Variants in WWP2 observed in about 807,000 individuals in gnomAD.
The protein encoded by WWP2 is WW domain containing E3 ubiquitin protein ligase 2.
In WWP2, 57 loss-of-function variants were observed where a neutral mutation model predicts 121.0. That is an observed-to-expected ratio of 0.47 (90% CI 0.38 to 0.59). WWP2 has a LOEUF of 0.59. WWP2 is among the 20% of genes least tolerant of loss of function. The pLI, the probability that WWP2 is intolerant of heterozygous loss-of-function variation, is 0.00. For synonymous variants in WWP2, 449 were observed against 441.3 expected (o/e 1.02, Z -0.22); for missense variants, 962 against 1,158.9 (o/e 0.83, Z 2.47).
chr16:69,842,243 A>G (rs942132043), intron 6 of WWP2, 123 bp downstream of exon 6: 12 of 917,356 alleles, frequency 1.3e-5, no homozygotes, highest in Admixed American at 2.4e-5. Flanking sequence ...AGATCTTGTA[A>G]CTGACTCAGT....
In WWP2 at chr16:69,897,954, C is replaced by A. The variant is rs114568279; in HGVS notation, c.914+9705C>A. 7.9e-3 allele frequency among the ~76,000 whole-genome samples: 1,191 copies of A among 151,710 alleles called. 15 individuals are homozygous for A. The highest frequency in any genetic ancestry group is 0.026 in the African/African-American group (1,080 of 41,380). ...ACAAAACAAAAAAAACACAATGAAA[C>A]AATGGCTGCAGTAAAGTTTTCCTGT... On this transcript the variant is annotated intron_variant, in intron 8 of 23. Coordinates refer to ENST00000359154, the MANE Select transcript of WWP2 (RefSeq NM_001270454.2).
chr16:69,822,236 T>G (rs976237121), intron 4 of WWP2, among the ~76,000 whole-genome samples: 3 of 152,136 alleles, frequency 2.0e-5, no homozygotes, highest in Non-Finnish European at 4.4e-5. Flanking sequence ...TGAGAGTTTC[T>G]TTCTTCTCTG....
At chr16:69,910,814 G>C (rs1421718659) in intron 9 of WWP2, among the ~76,000 whole-genome samples, 1 of 152,152 alleles carries the variant, frequency 6.6e-6, no homozygotes. Context: ...TACCTTCTAA[G>C]GATCGCTGGG....
At chr16:69,841,965 C>G (rs2151874006) in intron 5 of WWP2, 59 bp from the exon 6 acceptor site, 1 of 1,538,866 alleles carries the variant, frequency 6.5e-7, no homozygotes, top group Middle Eastern at 1.7e-4. Context: ...CGTCAAATCT[C>G]AAACACGAGT....
intron 8 of WWP2, among the ~76,000 whole-genome samples, chr16:69,904,817 A>G (rs1001285749): frequency 6.6e-6 from 1 of 152,216 alleles, no homozygotes; most frequent in Non-Finnish European, 1.5e-5. Flanking sequence ...CAGAGCCTTG[A>G]GCAAGAATGC....
In WWP2 at chr16:69,918,703, TTC is replaced by T. The variant is rs899963542; in HGVS notation, c.1179+828_1179+829del. ...CTCTAAATTGTTCTCTCCATTGGCC[TTC>T]TCTCTCTTCCAATCCATCTGGCCTG... On this transcript the variant is annotated intron_variant, in intron 10 of 23. Transcript: ENST00000359154. Among the ~76,000 whole-genome samples the T allele has an allele frequency of 1.9e-4, 29 of 152,358 alleles. No individual in the cohort carries two copies. The Middle Eastern group carries it at 0.01, about 54-fold the overall frequency.
chr16:69,893,391 A>G (rs987327091), intron 8 of WWP2, among the ~76,000 whole-genome samples: 2 of 152,040 alleles, frequency 1.3e-5, no homozygotes, highest in Non-Finnish European at 2.9e-5. Flanking sequence ...TCCTTCACCT[A>G]GATGAATGTT....
chr16:69,908,232 G>A (rs181841913), intron 8 of WWP2, among the ~76,000 whole-genome samples: 30 of 152,268 alleles, frequency 2.0e-4, no homozygotes, highest in African/African-American at 6.5e-4. Flanking sequence ...GCAACAGAGT[G>A]AGACCCTGTT....
chr16:69,906,109 G>A (rs575499365), intron 8 of WWP2, among the ~76,000 whole-genome samples: 1 of 146,608 alleles, frequency 6.8e-6, no homozygotes, highest in Admixed American at 6.9e-5. Flanking sequence ...GTCTTGCTCT[G>A]TCGCCCAGAC....
chr16:69,804,279 T>C (rs560997231), intron 4 of WWP2, among the ~76,000 whole-genome samples: 1 of 152,338 alleles, frequency 6.6e-6, no homozygotes, highest in African/African-American at 2.4e-5. Flanking sequence ...ACCTCTATTT[T>C]TTCCTAGGTG....
chr16:69,802,965 A>G (rs753225945), intron 4 of WWP2, among the ~76,000 whole-genome samples: 3 of 151,896 alleles, frequency 2.0e-5, no homozygotes, highest in Non-Finnish European at 4.4e-5. Context: ...GAAATCCAAA[A>G]CACTTCCAGT....
intron 17 of WWP2, among the ~76,000 whole-genome samples, chr16:69,934,974 C>T (rs368110457): frequency 6.6e-6 from 1 of 152,068 alleles, no homozygotes; most frequent in African/African-American, 2.4e-5. Context: ...AGAAAGTGAG[C>T]CAGTTCTGGG....
Position 69,779,019 on chromosome 16 carries a change from G to A in WWP2, c.-15-7977G>A, listed in dbSNP as rs569076204. 2.0e-5 allele frequency among the ~76,000 whole-genome samples: 3 copies of A among 151,198 alleles called. No homozygotes were observed. The East Asian group carries it at 5.8e-4, about 29-fold the overall frequency. ...GGCTGGAGTGCAATGGTGCAATCTT[G>A]GCTCACTGCAACCTCCACCTCCTAG... On this transcript the variant is annotated intron_variant, in intron 1 of 23. Transcript: ENST00000359154.
chr16:69,812,430 G>A (rs1283685302), intron 4 of WWP2, among the ~76,000 whole-genome samples: 1 of 149,464 alleles, frequency 6.7e-6, no homozygotes, highest in Non-Finnish European at 1.5e-5. Context: ...CTCCCAAAGT[G>A]CTAAGATCAC....
chr16:69,931,727 A>G, intron 15 of WWP2, 75 bp from the exon 16 acceptor site: 1 of 1,580,226 alleles, frequency 6.3e-7, no homozygotes, highest in Non-Finnish European at 8.7e-7. Flanking sequence ...TGGGCCTTAG[A>G]GTCCCCTGTC....
intron 7 of WWP2, among the ~76,000 whole-genome samples, chr16:69,878,154 A>G (rs2057767518): frequency 1.3e-5 from 2 of 152,280 alleles, no homozygotes; most frequent in South Asian, 4.1e-4. Flanking sequence ...CTGCAAAACA[A>G]TGGCAATATT....
chr16:69,824,275 A>AT (rs780011796), intron 4 of WWP2, among the ~76,000 whole-genome samples: 241 of 152,152 alleles, frequency 1.6e-3, no homozygotes, highest in Non-Finnish European at 2.0e-3. Context: ...TTCTTGGAGT[A>AT]TTTTTCTTAG....
intron 4 of WWP2, among the ~76,000 whole-genome samples, chr16:69,830,257 G>A (rs1454254878): frequency 6.6e-6 from 1 of 151,988 alleles, no homozygotes; most frequent in Non-Finnish European, 1.5e-5. Flanking sequence ...GCCCGGCCTA[G>A]TTTTTTTCTG....
intron 4 of WWP2, among the ~76,000 whole-genome samples, chr16:69,812,048 T>C (rs1350703954): frequency 6.6e-6 from 1 of 152,134 alleles, no homozygotes; most frequent in Non-Finnish European, 1.5e-5. Flanking sequence ...CAGGACCTCA[T>C]GCAAGATGCA....
Sources: allele counts gnomAD v4.1 joint callset (sites outside exome capture counted in the v4.1 genomes callset), GRCh38; gene constraint gnomAD v4.1.1; transcripts MANE v1.5; gene names NCBI Gene and HGNC (gene_info 2026-07-23, HGNC 2026-07-21).